The following TTC29 variants were observed in gnomAD, a reference collection of about 807,000 sequenced individuals.
The protein encoded by TTC29 is tetratricopeptide repeat protein 29.
In TTC29, 49 loss-of-function variants were observed where a neutral mutation model predicts 58.1. The ratio of observed to expected loss-of-function variants is 0.84; its 90% CI spans 0.67 to 1.07. TTC29 has a LOEUF of 1.07. Among genes scored for constraint, TTC29 ranks in the 50% least tolerant of loss-of-function variants. The pLI is 0.00. For missense variants in TTC29, 582 were observed against 555.6 expected, an observed-to-expected ratio of 1.05 and a Z score of -0.48; for synonymous variants, 209 against 196.8, an observed-to-expected ratio of 1.06 and a Z score of -0.52.
intron 11 of TTC29, among the ~76,000 whole-genome samples, chr4:146,719,947 T>G (rs575259383): frequency 6.6e-6 from 1 of 152,286 alleles, no homozygotes; most frequent in African/African-American, 2.4e-5. Context: ...GTAGCTAAAG[T>G]GCTTAGAGGA....
intron 10 of TTC29, among the ~76,000 whole-genome samples, chr4:146,818,221 T>A (rs1751559945): frequency 1.3e-5 from 2 of 151,978 alleles, no homozygotes; most frequent in South Asian, 4.1e-4. Flanking sequence ...TACAATGAAC[T>A]CAAACAAATT....
intron 11 of TTC29, among the ~76,000 whole-genome samples, chr4:146,796,223 G>A (rs1231804176): frequency 6.6e-6 from 1 of 151,546 alleles, no homozygotes; most frequent in Non-Finnish European, 1.5e-5. Flanking sequence ...ACCATATCAG[G>A]GAGAATGATG....
chr4:146,750,529 T>C (rs1745902964), intron 11 of TTC29, among the ~76,000 whole-genome samples: 1 of 152,166 alleles, frequency 6.6e-6, no homozygotes, highest in Admixed American at 6.5e-5. Flanking sequence ...AAAGCTACAA[T>C]ATATTGTTAA....
chr4:146,753,431 G>A (rs1487342017), intron 11 of TTC29, among the ~76,000 whole-genome samples: 1 of 152,160 alleles, frequency 6.6e-6, no homozygotes, highest in Non-Finnish European at 1.5e-5. Context: ...TGGAGAAATA[G>A]GAACACTTTT....
At chr4:146,879,722 T>TGTTGTTCTTAAGGACA (rs1312704425) in intron 6 of TTC29, among the ~76,000 whole-genome samples, 2 of 152,166 alleles carry the variant, frequency 1.3e-5, no homozygotes, top group Non-Finnish European at 2.9e-5. Context: ...AGTGTTTAAG[T>TGTTGTTCTTAAGGACA]GTCCAAGGAC....
At chr4:146,890,879 G>A (rs1386579892) in intron 6 of TTC29, among the ~76,000 whole-genome samples, 1 of 152,096 alleles carries the variant, frequency 6.6e-6, no homozygotes, top group Non-Finnish European at 1.5e-5. Context: ...ATGCCAATGG[G>A]AGCAGAGTTC....
At chr4:146,785,339 G>C (rs550787962) in intron 11 of TTC29, among the ~76,000 whole-genome samples, 1 of 151,894 alleles carries the variant, frequency 6.6e-6, no homozygotes, top group South Asian at 2.1e-4. Flanking sequence ...ACTTATTGAG[G>C]GATAAATATA....
chr4:146,709,669 A>C (rs917140296), intron 11 of TTC29, among the ~76,000 whole-genome samples: 2 of 152,092 alleles, frequency 1.3e-5, no homozygotes, highest in African/African-American at 2.4e-5. Context: ...CTTCCAGGCC[A>C]TTCTATGAGA....
Position 146,867,549 on chromosome 4 carries a change from G to A in TTC29, c.834C>T (p.Tyr278=). The A allele has an allele frequency of 3.2e-6, 5 of 1,554,622 alleles. No individual in the cohort carries two copies. The highest frequency in any genetic ancestry group is 8.7e-7 in the Non-Finnish European group (1 of 1,148,576). Residue 278 remains tyrosine (Y), a synonymous_variant, in exon 8 of 13, where the codon TAC becomes TAT. Transcript: ENST00000325106. ...SDKKMEAEAS[Y]YLGLAHLAAE... ...CAGCTAAGTGTGCTAAGCCCAAGTAGTAAGAGGCTTCCGCTTCCATCTTTT... is the reference window on the plus strand; with the variant it reads ...CAGCTAAGTGTGCTAAGCCCAAGTAATAAGAGGCTTCCGCTTCCATCTTTT...
intron 6 of TTC29, among the ~76,000 whole-genome samples, chr4:146,902,276 A>T (rs1258418170): frequency 6.6e-6 from 1 of 151,936 alleles, no homozygotes; most frequent in Non-Finnish European, 1.5e-5. Flanking sequence ...GTGTGTCCTT[A>T]TTCTATCTTC....
At chr4:146,891,828 A>G (rs1732385859) in intron 6 of TTC29, among the ~76,000 whole-genome samples, 1 of 152,188 alleles carries the variant, frequency 6.6e-6, no homozygotes, top group South Asian at 2.1e-4. Flanking sequence ...GAATGCTCAC[A>G]GACATTTAGA....
chr4:146,832,040 A>G (rs78274917), intron 9 of TTC29, among the ~76,000 whole-genome samples: 9,576 of 152,156 alleles, frequency 0.063, 403 homozygotes, highest in Admixed American at 0.13. Context: ...GAGATTACAG[A>G]CACCCACCAC....
intron 6 of TTC29, among the ~76,000 whole-genome samples, chr4:146,883,141 C>G (rs1295999626): frequency 6.6e-6 from 1 of 152,070 alleles, no homozygotes; most frequent in African/African-American, 2.4e-5. Context: ...GGTCACTCCC[C>G]TTTTTAGAAA....
chr4:146,933,057 CAA>C (rs34870490), intron 4 of TTC29, among the ~76,000 whole-genome samples: 6 of 137,240 alleles, frequency 4.4e-5, no homozygotes, highest in Admixed American at 1.4e-4. Flanking sequence ...GACTCCGTCT[CAA>C]AAAAAAAAAA....
chr4:146,927,080 CAAAAAAA>C (rs55786171), intron 4 of TTC29, among the ~76,000 whole-genome samples: 2 of 110,086 alleles, frequency 1.8e-5, no homozygotes, highest in Admixed American at 9.9e-5. Flanking sequence ...GACCCCATCT[CAAAAAAA>C]AAAAAAAGAA....
chr4:146,728,901 A>ATATG (rs1351425240), intron 11 of TTC29, among the ~76,000 whole-genome samples: 2 of 144,344 alleles, frequency 1.4e-5, no homozygotes, highest in African/African-American at 5.1e-5. Context: ...GTATGTATAT[A>ATATG]TATATGTACG....
chr4:146,845,912 T>A (rs1340342313), intron 8 of TTC29, among the ~76,000 whole-genome samples: 4 of 152,122 alleles, frequency 2.6e-5, no homozygotes, highest in African/African-American at 9.7e-5. Context: ...CTCCTTCTAG[T>A]TAGACTGTAA....
At chr4:146,929,141 C>A (rs1199518270) in intron 4 of TTC29, among the ~76,000 whole-genome samples, 1 of 152,088 alleles carries the variant, frequency 6.6e-6, no homozygotes, top group East Asian at 1.9e-4. Context: ...TTTCCAGCAA[C>A]ACAAATCTTT....
intron 8 of TTC29, among the ~76,000 whole-genome samples, chr4:146,856,892 AC>A (rs2150192354): frequency 6.6e-6 from 1 of 151,952 alleles, no homozygotes; most frequent in Non-Finnish European, 1.5e-5. Flanking sequence ...GAAGGACACA[AC>A]TTTAAATATT....
Sources: gnomAD v4.1 joint callset for allele counts (sites outside exome capture counted in the v4.1 genomes callset) on GRCh38, gnomAD v4.1.1 for gene constraint, MANE v1.5 for transcripts, NCBI Gene and HGNC (gene_info 2026-07-23, HGNC 2026-07-21) for gene names.